Variants in PARD3B observed in about 807,000 individuals in gnomAD.
PARD3B encodes partitioning defective 3 homolog B.
A neutral mutation model predicts 130.2 loss-of-function variants in PARD3B; 103 were observed. That is an observed-to-expected ratio of 0.79 (90% confidence interval 0.67 to 0.93). The LOEUF (loss-of-function observed/expected upper bound fraction) is 0.93, where lower values mean the gene tolerates loss of function less well. Among genes scored for constraint, PARD3B ranks in the 40% least tolerant of loss-of-function variants. The pLI is 0.00. For missense variants in PARD3B, 1,609 were observed against 1,499.2 expected (o/e 1.07, Z -1.21); for synonymous variants, 583 against 553.2 (o/e 1.05, Z -0.76).
intron 4 of PARD3B, among the ~76,000 whole-genome samples, chr2:205,061,534 A>G (rs926026331): frequency 6.6e-6 from 1 of 152,186 alleles, no homozygotes; most frequent in African/African-American, 2.4e-5. Flanking sequence ...ACACATGGTA[A>G]GCACTATGTG....
chr2:205,111,056 G>A (rs569656479), intron 5 of PARD3B, among the ~76,000 whole-genome samples: 1 of 151,954 alleles, frequency 6.6e-6, no homozygotes, highest in African/African-American at 2.4e-5. Flanking sequence ...TGGTCCATGG[G>A]GCATTATTTT....
chr2:205,609,085 A>G (rs953586141), intron 22 of PARD3B, among the ~76,000 whole-genome samples: 2 of 152,196 alleles, frequency 1.3e-5, no homozygotes, highest in African/African-American at 2.4e-5. Context: ...TGATCATTAT[A>G]TTTTATGATT....
At chr2:204,893,572 A>T (rs186881102) in intron 2 of PARD3B, among the ~76,000 whole-genome samples, 1 of 152,234 alleles carries the variant, frequency 6.6e-6, no homozygotes, top group Non-Finnish European at 1.5e-5. Context: ...TAGTAGCCTC[A>T]TTCAAATGTG....
chr2:205,083,471 C>A (rs2125518733), intron 4 of PARD3B, among the ~76,000 whole-genome samples: 1 of 151,944 alleles, frequency 6.6e-6, no homozygotes, highest in East Asian at 1.9e-4. Context: ...GAAAAAGGGC[C>A]AATTATGGTT....
chr2:205,574,896 C>CA (rs1191531042), intron 22 of PARD3B, among the ~76,000 whole-genome samples: 1 of 149,260 alleles, frequency 6.7e-6, no homozygotes, highest in African/African-American at 2.5e-5. Flanking sequence ...GAAGTCATAC[C>CA]AAAGACAGAA....
intron 2 of PARD3B, among the ~76,000 whole-genome samples, chr2:204,836,338 T>C (rs2044030477): frequency 6.6e-6 from 1 of 152,046 alleles, no homozygotes; most frequent in Non-Finnish European, 1.5e-5. Flanking sequence ...ACATACAAAA[T>C]AGGTAAAATG....
At chr2:205,357,845 G>C (rs964696074) in intron 18 of PARD3B, among the ~76,000 whole-genome samples, 1 of 152,180 alleles carries the variant, frequency 6.6e-6, no homozygotes, top group Admixed American at 6.6e-5. Flanking sequence ...AGAAGAAACA[G>C]CAATAAAATA....
chr2:204,958,561 A>C (rs1426020655), intron 2 of PARD3B, among the ~76,000 whole-genome samples: 1 of 152,194 alleles, frequency 6.6e-6, no homozygotes, highest in African/African-American at 2.4e-5. Flanking sequence ...TCCTGTGATG[A>C]AGAGATTAAA....
chr2:205,117,183 C>T (rs2029907183), intron 6 of PARD3B, among the ~76,000 whole-genome samples: 1 of 152,048 alleles, frequency 6.6e-6, no homozygotes, highest in African/African-American at 2.4e-5. Context: ...GGGAAAAAAC[C>T]CATAAGTTTT....
chr2:205,428,650 G>C (rs1338621040), intron 19 of PARD3B, among the ~76,000 whole-genome samples: 2 of 151,934 alleles, frequency 1.3e-5, no homozygotes, highest in East Asian at 3.9e-4. Flanking sequence ...AAAACTATAT[G>C]ATAAAAATAA....
chr2:205,102,708 A>T lies in PARD3B; in HGVS notation c.505-1718A>T, dbSNP rs535096432. Among the ~76,000 whole-genome samples the T allele has an allele frequency of 3.9e-4, 59 of 152,128 alleles. No individual in the cohort carries two copies. In the South Asian group the frequency reaches 0.011, roughly 29 times the overall value. ...GCTACTCAATCTAAAAGTGAGAGAC[A>T]TTTTTTTTAACTCATTTCACTACAA... On this transcript the variant is annotated intron_variant, in intron 4 of 22. Coordinates refer to ENST00000406610, the MANE Select transcript of PARD3B (RefSeq NM_001302769.2).
chr2:205,051,368 G>GA (rs1165973185), intron 4 of PARD3B, among the ~76,000 whole-genome samples: 2 of 152,136 alleles, frequency 1.3e-5, no homozygotes, highest in Non-Finnish European at 2.9e-5. Flanking sequence ...TCCACAGGAA[G>GA]AAAAAACAAT....
chr2:205,282,355 A>G (rs1286017382), intron 16 of PARD3B, among the ~76,000 whole-genome samples: 1 of 151,946 alleles, frequency 6.6e-6, no homozygotes, highest in Non-Finnish European at 1.5e-5. Flanking sequence ...CTATTGCCAG[A>G]AACTGCCCTA....
chr2:205,327,573 A>G (rs1361801494), intron 18 of PARD3B, among the ~76,000 whole-genome samples: 1 of 152,190 alleles, frequency 6.6e-6, no homozygotes, highest in African/African-American at 2.4e-5. Flanking sequence ...TAGATTCTAA[A>G]CGGACAGAAC....
chr2:205,568,800 A>T lies in PARD3B; in HGVS notation c.3260+15397A>T, dbSNP rs947648428. Among the ~76,000 whole-genome samples the T allele has an allele frequency of 5.1e-4, 78 of 152,304 alleles. No individual in the cohort carries two copies. Among genetic ancestry groups the T allele is most frequent in the African/African-American group, 1.8e-3 (75 of 41,560 alleles). ...ACCTTAGCCTCAGGCCTTCATGCTA[A>T]GACACTAGCGCTGTATCTATGAAGC... On this transcript the variant is annotated intron_variant, in intron 22 of 22. Coordinates refer to ENST00000406610, the MANE Select transcript of PARD3B (RefSeq NM_001302769.2). The surrounding 1 kb of genome is among the most constrained non-coding windows in gnomAD (Gnocchi z 5.3).
intron 18 of PARD3B, among the ~76,000 whole-genome samples, chr2:205,381,220 ATT>A (rs571348122): frequency 0.021 from 2,550 of 122,832 alleles, 57 homozygotes; most frequent in South Asian, 0.075. Context: ...AAGAATATAT[ATT>A]ATATATAATA....
At chr2:205,296,671 G>A (rs1574625454) in intron 16 of PARD3B, among the ~76,000 whole-genome samples, 1 of 148,778 alleles carries the variant, frequency 6.7e-6, no homozygotes, top group Non-Finnish European at 1.5e-5. Context: ...GTATGTGTGT[G>A]TGTGTGTGTG....
intron 2 of PARD3B, among the ~76,000 whole-genome samples, chr2:204,844,229 C>T (rs1212716145): frequency 9.9e-5 from 15 of 151,928 alleles, no homozygotes; most frequent in Non-Finnish European, 2.2e-4. Flanking sequence ...TATTTCTGTA[C>T]AAAAGTTACT....
chr2:204,779,197 T>C (rs759826892), intron 2 of PARD3B, among the ~76,000 whole-genome samples: 6 of 152,204 alleles, frequency 3.9e-5, no homozygotes, highest in African/African-American at 1.2e-4. Context: ...CCTGGACCAG[T>C]CTTGCCCATT....
Sources: allele counts gnomAD v4.1 joint callset (sites outside exome capture counted in the v4.1 genomes callset), GRCh38; gene constraint gnomAD v4.1.1; non-coding constraint Gnocchi (gnomAD v3.1); transcripts MANE v1.5; gene names NCBI Gene and HGNC (gene_info 2026-07-23, HGNC 2026-07-21).